DLEU7: variants seen among roughly 807,000 people sequenced by gnomAD.
DLEU7 encodes deleted in lymphocytic leukemia 7, also known as leukemia-associated protein 7.
In DLEU7, 17 loss-of-function variants were observed where a neutral mutation model predicts 16.0. The observed-to-expected ratio is 1.06, with a 90% confidence interval of 0.73 to 1.59. DLEU7 has a LOEUF of 1.59. Ranked by LOEUF, DLEU7 falls within the 40% of genes most tolerant of loss-of-function variation. The pLI, the probability that DLEU7 is intolerant of heterozygous loss-of-function variation, is 0.00. For missense variants in DLEU7, 308 were observed against 314.9 expected, an observed-to-expected ratio of 0.98 and a Z score of 0.17; for synonymous variants, 113 against 139.8, an observed-to-expected ratio of 0.81 and a Z score of 1.35.
intron 1 of DLEU7, among the ~76,000 whole-genome samples, chr13:50,772,057 G>C (rs1442348603): frequency 6.6e-6 from 1 of 152,136 alleles, no homozygotes; most frequent in African/African-American, 2.4e-5. Context: ...TTGGTTTAAA[G>C]TCTGTTTTAT....
intron 1 of DLEU7, among the ~76,000 whole-genome samples, chr13:50,809,453 C>G (rs536803541): frequency 3.0e-4 from 45 of 152,126 alleles, no homozygotes; most frequent in Non-Finnish European, 6.2e-4. Context: ...CCCCATCAGT[C>G]AACCTATCAT....
rs555166056 is a variant in DLEU7 at position 50,738,043 on chromosome 13, G to A, written c.460-24803C>T. On this transcript the variant is annotated intron_variant, in intron 1 of 1. Transcript: ENST00000400393. ...TTGCTGATATGGAGGAAGTTTGAAT[G>A]GTCTGGATAGTAAATCAAACCATCC... Among the ~76,000 whole-genome samples, 8 of 152,196 alleles carry A rather than the reference G, an allele frequency of 5.3e-5. No individual in the cohort carries two copies. In the South Asian group the frequency reaches 1.7e-3, roughly 32 times the overall value.
chr13:50,799,571 A>G (rs1876193616), intron 1 of DLEU7, among the ~76,000 whole-genome samples: 1 of 152,216 alleles, frequency 6.6e-6, no homozygotes, highest in South Asian at 2.1e-4. Flanking sequence ...CTTTAATAAC[A>G]GCATTTCTGT....
chr13:50,827,394 A>T (rs1002373628), intron 1 of DLEU7, among the ~76,000 whole-genome samples: 2 of 152,026 alleles, frequency 1.3e-5, no homozygotes, highest in African/African-American at 4.8e-5. Context: ...TTAAAATTTT[A>T]TTGGCTGGGC....
intron 1 of DLEU7, among the ~76,000 whole-genome samples, chr13:50,773,099 C>T (rs534988012): frequency 8.5e-5 from 13 of 152,214 alleles, no homozygotes; most frequent in South Asian, 2.1e-4. Context: ...GTTCTCGTGC[C>T]GTGGTTTTCA....
rs556833564 is a variant in DLEU7, at chr13:50,813,472, T to A, written c.459+29716A>T. On this transcript the variant is annotated intron_variant, in intron 1 of 1. Transcript: ENST00000400393. Reference sequence around the variant, plus strand: ...GTTCTGTTTTCCACAGTGTATTTATTTCTTATAAATTATACAAATTTCCCT... The same window carrying A: ...GTTCTGTTTTCCACAGTGTATTTATATCTTATAAATTATACAAATTTCCCT... 5.9e-5 allele frequency among the ~76,000 whole-genome samples: 9 copies of A among 152,256 alleles called. No individual in the cohort carries two copies. The East Asian group carries it at 1.7e-3, about 29-fold the overall frequency.
intron 1 of DLEU7, among the ~76,000 whole-genome samples, chr13:50,831,647 C>T (rs1877269673): frequency 6.6e-6 from 1 of 152,066 alleles, no homozygotes; most frequent in Non-Finnish European, 1.5e-5. Context: ...CTGGTCTGGC[C>T]CACACGCCTG....
chr13:50,778,635 G>A (rs1218948715), intron 1 of DLEU7, among the ~76,000 whole-genome samples: 3 of 152,210 alleles, frequency 2.0e-5, no homozygotes, highest in African/African-American at 7.2e-5. Context: ...AACATTCTTT[G>A]TATCAGAGAA....
intron 1 of DLEU7, among the ~76,000 whole-genome samples, chr13:50,727,394 A>G (rs1322887873): frequency 6.6e-6 from 1 of 152,134 alleles, no homozygotes; most frequent in Non-Finnish European, 1.5e-5. Flanking sequence ...AATTAACAAA[A>G]GCTCCAACCA....
chr13:50,832,819 A>G (rs1877324427), intron 1 of DLEU7, among the ~76,000 whole-genome samples: 1 of 152,198 alleles, frequency 6.6e-6, no homozygotes, highest in Non-Finnish European at 1.5e-5. Flanking sequence ...CCTGAGTTGT[A>G]ATTTGATTGC....
intron 1 of DLEU7, among the ~76,000 whole-genome samples, chr13:50,762,657 G>A (rs867844232): frequency 2.2e-4 from 33 of 152,188 alleles, no homozygotes; most frequent in Admixed American, 5.9e-4. Flanking sequence ...TCTTGAAGGC[G>A]GGGATTAAAG....
chr13:50,747,650 G>A (rs529603622), intron 1 of DLEU7, among the ~76,000 whole-genome samples: 49 of 152,020 alleles, frequency 3.2e-4, no homozygotes, highest in Admixed American at 1.2e-3. Context: ...TAGTGTCCTC[G>A]TCAGCCTGTG....
At chr13:50,751,849 G>A (rs74710725) in intron 1 of DLEU7, among the ~76,000 whole-genome samples, 7 of 151,976 alleles carry the variant, frequency 4.6e-5, no homozygotes, top group African/African-American at 1.7e-4. Context: ...CTTGGTAATG[G>A]TCTATCAATT....
chr13:50,735,497 C>G (rs947460530), intron 1 of DLEU7, among the ~76,000 whole-genome samples: 2 of 151,804 alleles, frequency 1.3e-5, no homozygotes, highest in Non-Finnish European at 2.9e-5. Context: ...AGAAAACCCC[C>G]AAATATTTGG....
At chr13:50,817,851 G>GAT (rs1212906064) in intron 1 of DLEU7, among the ~76,000 whole-genome samples, 1 of 152,022 alleles carries the variant, frequency 6.6e-6, no homozygotes, top group Non-Finnish European at 1.5e-5. Flanking sequence ...AGCTGATCTG[G>GAT]GAGCTCTTAG....
chr13:50,747,153 C>T (rs73492081), intron 1 of DLEU7, among the ~76,000 whole-genome samples: 6,189 of 152,018 alleles, frequency 0.041, 282 homozygotes, highest in African/African-American at 0.12. Context: ...CAATCATAGA[C>T]GATTAAATCA....
chr13:50,722,476 T>C (rs2137708200), intron 1 of DLEU7, among the ~76,000 whole-genome samples: 1 of 152,322 alleles, frequency 6.6e-6, no homozygotes, highest in Admixed American at 6.5e-5. Flanking sequence ...ACTACACTTC[T>C]GGGAAACAAA....
intron 1 of DLEU7, among the ~76,000 whole-genome samples, chr13:50,751,625 G>A (rs1228669656): frequency 1.3e-5 from 2 of 152,160 alleles, no homozygotes; most frequent in Non-Finnish European, 2.9e-5. Flanking sequence ...TTATTGGTCT[G>A]TTCACAGTAA....
intron 1 of DLEU7, among the ~76,000 whole-genome samples, chr13:50,816,938 T>C (rs1876753942): frequency 6.6e-6 from 1 of 152,082 alleles, no homozygotes; most frequent in Non-Finnish European, 1.5e-5. Flanking sequence ...TCCTGTACTC[T>C]TGAGCTCCAT....
Sources: gnomAD v4.1 joint callset for allele counts (sites outside exome capture counted in the v4.1 genomes callset) on GRCh38, gnomAD v4.1.1 for gene constraint, MANE v1.5 for transcripts, NCBI Gene and HGNC (gene_info 2026-07-23, HGNC 2026-07-21) for gene names.